The following RPRD2 variants were observed in gnomAD, a reference collection of about 807,000 sequenced individuals.
RPRD2 encodes regulation of nuclear pre-mRNA domain containing 2.
In RPRD2, 12 loss-of-function variants were observed where a neutral mutation model predicts 104.4. That is an observed-to-expected ratio of 0.11 (90% CI 0.07 to 0.19). The LOEUF (loss-of-function observed/expected upper bound fraction) is 0.19, where lower values mean the gene tolerates loss of function less well. Ranked by LOEUF, RPRD2 falls within the 10% of genes least tolerant of loss-of-function variation. The pLI is 1.00. For synonymous variants in RPRD2, 714 were observed against 684.9 expected, an observed-to-expected ratio of 1.04 and a Z score of -0.66; for missense variants, 1,543 against 1,790.1, an observed-to-expected ratio of 0.86 and a Z score of 2.49.
intron 1 of RPRD2, among the ~76,000 whole-genome samples, chr1:150,398,535 T>TCCTTTCCCTTTC (rs587626283): frequency 6.6e-6 from 1 of 151,130 alleles, no homozygotes; most frequent in Non-Finnish European, 1.5e-5. Context: ...TTTCCTTCCT[T>TCCTTTCCCTTTC]CCTTTCCCTT....
chr1:150,462,855 A>T (rs1296695876), intron 9 of RPRD2, among the ~76,000 whole-genome samples: 1 of 151,890 alleles, frequency 6.6e-6, no homozygotes, highest in African/African-American at 2.4e-5. Context: ...GCATCCGGCC[A>T]TTTATTTATT....
intron 9 of RPRD2, among the ~76,000 whole-genome samples, chr1:150,460,973 T>C (rs1307294944): frequency 8.2e-5 from 12 of 146,120 alleles, no homozygotes; most frequent in Non-Finnish European, 1.2e-4. Context: ...GATCCACCCA[T>C]CTTGGCCTCC....
intron 1 of RPRD2, among the ~76,000 whole-genome samples, chr1:150,384,681 GTT>G (rs1491585800): frequency 0.051 from 6,933 of 135,130 alleles, 211 homozygotes; most frequent in Middle Eastern, 0.13. Context: ...GTGTGTGTGT[GTT>G]TTTAGTAGAG....
At chr1:150,380,293 A>G (rs1252709705) in intron 1 of RPRD2, among the ~76,000 whole-genome samples, 2 of 152,122 alleles carry the variant, frequency 1.3e-5, no homozygotes, top group Non-Finnish European at 2.9e-5. Context: ...TGTCTTTCAG[A>G]TCTCAGCTCA....
intron 2 of RPRD2, among the ~76,000 whole-genome samples, chr1:150,430,502 T>TAA (rs151048365): frequency 1.3e-5 from 2 of 151,814 alleles, no homozygotes; most frequent in African/African-American, 4.8e-5. Flanking sequence ...CTCATTTCTA[T>TAA]AAAAAAAATA....
intron 10 of RPRD2, among the ~76,000 whole-genome samples, chr1:150,469,873 C>A (rs587725463): frequency 2.0e-5 from 3 of 151,894 alleles, no homozygotes; most frequent in African/African-American, 4.8e-5. Flanking sequence ...GACCAGTGTC[C>A]CTGGTGGTCT....
chr1:150,470,776 T>C lies in RPRD2; in HGVS notation c.1828T>C (p.Ser610Pro), dbSNP rs1317275413. ...EVSSTSASKA[S>P]IGQSPGLPST... ...CTCTTCAACTTCAGCCAGCAAGGCC[T>C]CAATTGGGCAAAGCCCAGGGCTCCC... is the stretch of plus-strand genomic sequence containing the variant. Residue 610 changes from serine (S) to proline (P), a missense_variant, in exon 11 of 11, where the codon TCA becomes CCA. Coordinates refer to ENST00000369068, the MANE Select transcript of RPRD2 (RefSeq NM_015203.5). The C allele has an allele frequency of 1.2e-6, 2 of 1,614,080 alleles. No homozygotes were observed. Among genetic ancestry groups the C allele is most frequent in the Non-Finnish European group, 1.7e-6 (2 of 1,179,906 alleles).
rs748951500 is a variant in RPRD2, at chr1:150,475,144, A to C, written c.*1810A>C. On this transcript the variant is annotated 3_prime_UTR_variant, in exon 11 of 11. Coordinates refer to ENST00000369068, the MANE Select transcript of RPRD2 (RefSeq NM_015203.5). ...AGCTCTCCCCACAAAAATGCATGAT[A>C]CCATGACCTTACGTGTGGGATGGGG... 1 of 152,140 alleles carries C rather than the reference A, an allele frequency of 6.6e-6. No individual in the cohort carries two copies. Among genetic ancestry groups the C allele is most frequent in the Admixed American group, 6.5e-5 (1 of 15,274 alleles). 9.4% of individuals were successfully genotyped at this position (152,140 alleles called of 1,614,324 possible).
At chr1:150,448,423 C>T (rs1327061649) in intron 7 of RPRD2, among the ~76,000 whole-genome samples, 4 of 152,142 alleles carry the variant, frequency 2.6e-5, no homozygotes, top group Admixed American at 2.6e-4. Context: ...CCCACCTCAG[C>T]CTCTCAAAGT....
In RPRD2 at chr1:150,379,925, G is replaced by A. The variant is rs139150054; in HGVS notation, c.205+15006G>A. ...CTCAGTAATTTTTACCAATATAAAG[G>A]GTTTCTGAAACCAAAATATAGAATG... On this transcript the variant is annotated intron_variant, in intron 1 of 10. Coordinates refer to ENST00000369068, the MANE Select transcript of RPRD2 (RefSeq NM_015203.5). Among the ~76,000 whole-genome samples, 4 of 152,214 alleles carry A rather than the reference G, an allele frequency of 2.6e-5. No homozygotes were observed. The East Asian group carries it at 5.8e-4, about 22-fold the overall frequency.
At chr1:150,426,891 A>G (rs1553890633) in intron 2 of RPRD2, among the ~76,000 whole-genome samples, 1 of 152,232 alleles carries the variant, frequency 6.6e-6, no homozygotes, top group Non-Finnish European at 1.5e-5. Context: ...TCGCGCCTGT[A>G]ATCCCAGCAC....
chr1:150,428,104 C>G (rs1043357229), intron 2 of RPRD2, among the ~76,000 whole-genome samples: 5 of 152,004 alleles, frequency 3.3e-5, no homozygotes, highest in East Asian at 1.9e-4. Context: ...TTGTCGTAGA[C>G]TAAGTTATAT....
chr1:150,427,178 AAAACAAAG>A (rs1560192684), intron 2 of RPRD2, among the ~76,000 whole-genome samples: 2 of 151,350 alleles, frequency 1.3e-5, no homozygotes, highest in Non-Finnish European at 2.9e-5. Context: ...TTAAAAAAGA[AAAACAAAG>A]AAAAGGCCGG....
At chr1:150,371,993 T>G (rs1553878474) in intron 1 of RPRD2, among the ~76,000 whole-genome samples, 1 of 151,856 alleles carries the variant, frequency 6.6e-6, no homozygotes, top group African/African-American at 2.4e-5. Context: ...TTTTGATTAA[T>G]TAAAAAAAGG....
At chr1:150,453,919 G>C (rs1425664617) in intron 7 of RPRD2, among the ~76,000 whole-genome samples, 2 of 152,104 alleles carry the variant, frequency 1.3e-5, no homozygotes, top group Non-Finnish European at 2.9e-5. Flanking sequence ...AGGCTGAATT[G>C]CAGTTTAAGC....
chr1:150,411,788 C>CAAAAAAAAA (rs71086508), intron 1 of RPRD2, among the ~76,000 whole-genome samples: 2 of 70,730 alleles, frequency 2.8e-5, no homozygotes, highest in African/African-American at 1.8e-4. Flanking sequence ...TAGACTGTCT[C>CAAAAAAAAA]AAAAAAAAAA....
At chr1:150,414,987 A>G (rs888936034) in intron 1 of RPRD2, among the ~76,000 whole-genome samples, 1 of 152,164 alleles carries the variant, frequency 6.6e-6, no homozygotes, top group African/African-American at 2.4e-5. Flanking sequence ...GTGCATATAC[A>G]TATGTTGAGA....
At chr1:150,439,286 TCA>T (rs1335864385) in intron 2 of RPRD2, among the ~76,000 whole-genome samples, 3 of 152,172 alleles carry the variant, frequency 2.0e-5, no homozygotes, top group Non-Finnish European at 4.4e-5. Context: ...TTGAAACCAG[TCA>T]CACACATAGT....
At chr1:150,422,367 T>TAATAATAATAATAATAATAATAAAAAA (rs1407375626) in intron 2 of RPRD2, among the ~76,000 whole-genome samples, 1 of 111,996 alleles carries the variant, frequency 8.9e-6, no homozygotes, top group East Asian at 2.1e-4. Flanking sequence ...ATAATAATAA[T>TAATAATAATAATAATAATAATAAAAAA]AAATAAAATT....
Sources: gnomAD v4.1 joint callset for allele counts (sites outside exome capture counted in the v4.1 genomes callset) on GRCh38, gnomAD v4.1.1 for gene constraint, MANE v1.5 for transcripts, NCBI Gene and HGNC (gene_info 2026-07-23, HGNC 2026-07-21) for gene names.